Variants in CAND1 observed in about 807,000 individuals in gnomAD.
CAND1 encodes cullin associated and neddylation dissociated 1.
CAND1 carries 7 observed loss-of-function variants against 108.5 expected under a neutral mutation model. The observed-to-expected ratio is 0.06, with a 90% CI of 0.04 to 0.12. The LOEUF (loss-of-function observed/expected upper bound fraction) is 0.12, where lower values mean the gene tolerates loss of function less well. Among genes scored for constraint, CAND1 ranks in the 10% least tolerant of loss-of-function variants. The pLI is 1.00. For missense variants in CAND1, 941 were observed against 1,448.7 expected (o/e 0.65, Z 5.69); for synonymous variants, 534 against 512.0 (o/e 1.04, Z -0.58).
rs542167338 is a variant in CAND1, at chr12:67,275,654, G to A, written c.68+5869G>A. ...AATTGGTGTACTGAGTGATAAAATT[G>A]ACCATATCAACTAGATTTCTGGTTG... On this transcript the variant is annotated intron_variant, in intron 1 of 14. Coordinates refer to ENST00000545606, the MANE Select transcript of CAND1 (RefSeq NM_018448.5). Among the ~76,000 whole-genome samples the A allele has an allele frequency of 2.6e-5, 4 of 152,312 alleles. No homozygotes were observed. The South Asian group carries it at 8.3e-4, about 32-fold the overall frequency.
In CAND1 at chr12:67,269,882, G is replaced by T; in HGVS notation, c.68+97G>T. On this transcript the variant is annotated intron_variant, in intron 1 of 14. Coordinates refer to ENST00000545606, the MANE Select transcript of CAND1 (RefSeq NM_018448.5). ...TTGCCCCACCCCTTCGGCCGTAGCCGGTAGCTTCTCTGCCCCGAAGTCTCC... is the reference window on the plus strand; with the variant it reads ...TTGCCCCACCCCTTCGGCCGTAGCCTGTAGCTTCTCTGCCCCGAAGTCTCC... The T allele has an allele frequency of 5.9e-6, 6 of 1,025,472 alleles. No homozygotes were observed. The South Asian group carries it at 8.8e-5, about 15-fold the overall frequency. 63.5% of individuals were successfully genotyped at this position (1,025,472 alleles called of 1,614,324 possible).
chr12:67,275,915 C>T (rs984645975), intron 1 of CAND1, among the ~76,000 whole-genome samples: 1 of 152,206 alleles, frequency 6.6e-6, no homozygotes, highest in African/African-American at 2.4e-5. Flanking sequence ...CCATTGAAGT[C>T]TGAAACGTAA....
intron 1 of CAND1, among the ~76,000 whole-genome samples, chr12:67,276,887 A>G (rs1204669718): frequency 6.6e-6 from 1 of 152,062 alleles, no homozygotes; most frequent in African/African-American, 2.4e-5. Flanking sequence ...TTAATTTTTG[A>G]TTTTCACATC....
intron 7 of CAND1, among the ~76,000 whole-genome samples, chr12:67,300,068 A>C (rs1486831688): frequency 6.6e-6 from 1 of 152,138 alleles, no homozygotes; most frequent in African/African-American, 2.4e-5. Flanking sequence ...TCTCTCTTGA[A>C]TCCACTCCTC....
At chr12:67,296,793 G>A (rs2044774023) in intron 4 of CAND1, among the ~76,000 whole-genome samples, 1 of 151,356 alleles carries the variant, frequency 6.6e-6, no homozygotes, top group Admixed American at 6.6e-5. Context: ...TGTAGTTTTG[G>A]TTGTTGTTGT....
At chr12:67,287,058 G>A (rs2044678571) in intron 2 of CAND1, among the ~76,000 whole-genome samples, 2 of 152,026 alleles carry the variant, frequency 1.3e-5, no homozygotes, top group Non-Finnish European at 2.9e-5. Flanking sequence ...TGTAACTCAG[G>A]GTTTATCAGC....
intron 1 of CAND1, among the ~76,000 whole-genome samples, chr12:67,275,085 TG>T (rs1416390449): frequency 2.0e-5 from 3 of 152,192 alleles, no homozygotes; most frequent in Middle Eastern, 3.2e-3. Flanking sequence ...TTTACTTTGA[TG>T]TTTTTTTCTT....
At chr12:67,307,137 C>T (rs967664873) in intron 10 of CAND1, among the ~76,000 whole-genome samples, 1 of 151,972 alleles carries the variant, frequency 6.6e-6, no homozygotes, top group South Asian at 2.1e-4. Flanking sequence ...TTTGTGAGGG[C>T]GAGATCGTCC....
chr12:67,296,288 G>A (rs1592615926), intron 4 of CAND1, among the ~76,000 whole-genome samples: 1 of 151,848 alleles, frequency 6.6e-6, no homozygotes, highest in East Asian at 1.9e-4. Flanking sequence ...GAGGGGTGTT[G>A]GAACAACAGG....
At chr12:67,278,256 C>G (rs1939309188) in intron 1 of CAND1, among the ~76,000 whole-genome samples, 1 of 152,174 alleles carries the variant, frequency 6.6e-6, no homozygotes, top group Non-Finnish European at 1.5e-5. Flanking sequence ...CGCCCAGGTT[C>G]AAGCATTTCC....
Position 67,318,005 on chromosome 12 carries a change from A to C in CAND1, c.*5175A>C, listed in dbSNP as rs1163122652. 6.6e-6 allele frequency: 1 copy of C among 152,252 alleles called. No homozygotes were observed. The highest frequency in any genetic ancestry group is 1.5e-5 in the Non-Finnish European group (1 of 68,062). The allele number at this position is 152,252 out of a possible 1,614,324, so 9.4% of individuals were successfully genotyped here. ...CCTCACTTAGCAAGAGTTTGGAGGC[A>C]GAATATGATAAAGAACAAGGACTCT... On this transcript the variant is annotated 3_prime_UTR_variant, in exon 15 of 15. Coordinates refer to ENST00000545606, the MANE Select transcript of CAND1 (RefSeq NM_018448.5).
rs1177977266 is a variant in CAND1 at position 67,313,839 on chromosome 12, A to C, written c.*1009A>C. Reference sequence around the variant, plus strand: ...TATGCTTTTGAATTTTATTTTTAGGAAAATTCTGAAGCCAGCTATCACAGG... The same window carrying C: ...TATGCTTTTGAATTTTATTTTTAGGCAAATTCTGAAGCCAGCTATCACAGG... On this transcript the variant is annotated 3_prime_UTR_variant, in exon 15 of 15. Transcript: ENST00000545606. 2.6e-5 allele frequency: 4 copies of C among 152,556 alleles called. No individual in the cohort carries two copies. Among genetic ancestry groups the C allele is most frequent in the Non-Finnish European group, 5.9e-5 (4 of 68,000 alleles). The allele number at this position is 152,556 out of a possible 1,614,324, so 9.5% of individuals were successfully genotyped here.
At chr12:67,295,268 A>G (rs1266859984) in intron 4 of CAND1, 112 bp downstream of exon 4, 13 of 943,528 alleles carry the variant, frequency 1.4e-5, no homozygotes, top group Non-Finnish European at 2.0e-5. Context: ...TTCATATTTA[A>G]ATGGTGGCTG....
intron 1 of CAND1, chr12:67,270,040 GC>G: frequency 2.1e-6 from 1 of 479,796 alleles, no homozygotes; most frequent in Non-Finnish European, 3.6e-6. Context: ...TTGTCTCAGC[GC>G]CCCCACATCC....
rs776389734 is a variant in CAND1, at chr12:67,313,398, A to T, written c.*568A>T. The T allele has an allele frequency of 6.6e-6, 1 of 152,650 alleles. No homozygotes were observed. Among genetic ancestry groups the T allele is most frequent in the African/African-American group, 2.4e-5 (1 of 41,468 alleles). 9.5% of individuals were successfully genotyped at this position (152,650 alleles called of 1,614,324 possible). A position where few individuals can be genotyped will look rare whatever the true frequency, so the allele number is the denominator to read the frequency against. The stretch of plus-strand genomic sequence containing the variant: ...TCATTTTTAAGTATGAAAATTAACA[A>T]TATCCCTGTTGCGCACACTAATTTT... On this transcript the variant is annotated 3_prime_UTR_variant, in exon 15 of 15. Coordinates refer to ENST00000545606, the MANE Select transcript of CAND1 (RefSeq NM_018448.5).
At chr12:67,286,253 G>T (rs937845785) in intron 2 of CAND1, among the ~76,000 whole-genome samples, 2 of 152,064 alleles carry the variant, frequency 1.3e-5, no homozygotes, top group African/African-American at 4.8e-5. Flanking sequence ...CTCATGATCC[G>T]CCCACCTCGG....
intron 2 of CAND1, among the ~76,000 whole-genome samples, chr12:67,282,879 T>C (rs1429757344): frequency 1.3e-5 from 2 of 152,198 alleles, no homozygotes; most frequent in East Asian, 3.8e-4. Context: ...TACATTGCAG[T>C]GGGAGCTTCT....
chr12:67,275,590 TG>T (rs1270649647), intron 1 of CAND1, among the ~76,000 whole-genome samples: 2 of 151,976 alleles, frequency 1.3e-5, no homozygotes, highest in African/African-American at 4.8e-5. Context: ...TGAGGAAAAG[TG>T]AAATAGCAGT....
At chr12:67,300,246 T>A (rs1209153887) in intron 7 of CAND1, among the ~76,000 whole-genome samples, 1 of 148,752 alleles carries the variant, frequency 6.7e-6, no homozygotes, top group Non-Finnish European at 1.5e-5. Flanking sequence ...CTGACCACTG[T>A]ACTTAGAGTA....
Sources: gnomAD v4.1 joint callset for allele counts (sites outside exome capture counted in the v4.1 genomes callset) on GRCh38, gnomAD v4.1.1 for gene constraint, MANE v1.5 for transcripts, NCBI Gene and HGNC (gene_info 2026-07-23, HGNC 2026-07-21) for gene names.